Variants in MCPH1 observed in about 807,000 individuals in gnomAD.
MCPH1 encodes the protein microcephalin 1, also known as microcephalin.
In MCPH1, 104 loss-of-function variants were observed where a neutral mutation model predicts 84.5. The ratio of observed to expected loss-of-function variants is 1.23; its 90% CI spans 1.05 to 1.45. The LOEUF (loss-of-function observed/expected upper bound fraction) is 1.45, where lower values mean the gene tolerates loss of function less well. Ranked by LOEUF, MCPH1 falls within the 40% of genes most tolerant of loss-of-function variation. The pLI is 0.00. For missense variants in MCPH1, 1,498 were observed against 1,005.7 expected (o/e 1.49, Z -6.62); for synonymous variants, 514 against 366.8 (o/e 1.40, Z -4.58).
At chr8:6,573,881 G>C (rs1826857352) in intron 12 of MCPH1, among the ~76,000 whole-genome samples, 1 of 152,158 alleles carries the variant, frequency 6.6e-6, no homozygotes, top group Non-Finnish European at 1.5e-5. Context: ...AAGGTGGCCA[G>C]AAAAAACCAC....
In MCPH1 at chr8:6,563,976, C is replaced by T. The variant is rs1054686209; in HGVS notation, c.2215-57478C>T. Among the ~76,000 whole-genome samples the T allele has an allele frequency of 9.7e-4, 83 of 85,414 alleles. 1 individual carries two copies. Among genetic ancestry groups the T allele is most frequent in the African/African-American group, 3.1e-3 (80 of 25,524 alleles). 56.0% of individuals were successfully genotyped at this position (85,414 alleles called of 152,430 possible). A position where few individuals can be genotyped will look rare whatever the true frequency, so the allele number is the denominator to read the frequency against. On this transcript the variant is annotated intron_variant, in intron 12 of 13. Transcript: ENST00000344683. ...GCCTGTGTAGAAAGAGGAATACAAA[C>T]TTTTTTTTTTTTTTTTTTTTTTTGA... is the stretch of plus-strand genomic sequence containing the variant.
chr8:6,641,728 A>C (rs561109552), intron 13 of MCPH1, among the ~76,000 whole-genome samples: 52 of 152,334 alleles, frequency 3.4e-4, no homozygotes, highest in Admixed American at 3.2e-3. Context: ...TGCGTGACTG[A>C]GCAAGACCCT....
At chr8:6,462,286 C>A (rs1432183884) in intron 9 of MCPH1, among the ~76,000 whole-genome samples, 4 of 152,172 alleles carry the variant, frequency 2.6e-5, no homozygotes, top group Non-Finnish European at 5.9e-5. Flanking sequence ...TACATCTTTG[C>A]TAGAATATGA....
chr8:6,462,552 G>A (rs1468934374), intron 9 of MCPH1, among the ~76,000 whole-genome samples: 1 of 152,148 alleles, frequency 6.6e-6, no homozygotes, highest in Non-Finnish European at 1.5e-5. Context: ...TCTTCTTTCA[G>A]TAAAAGATGG....
At chr8:6,576,452 T>C (rs1256459275) in intron 12 of MCPH1, among the ~76,000 whole-genome samples, 3 of 152,012 alleles carry the variant, frequency 2.0e-5, no homozygotes, top group Non-Finnish European at 2.9e-5. Flanking sequence ...CCAGGCCTTA[T>C]TGGAATCCTT....
At chr8:6,642,544 T>C (rs778171391) in intron 13 of MCPH1, 6 of 228,890 alleles carry the variant, frequency 2.6e-5, no homozygotes, top group African/African-American at 9.0e-5. Flanking sequence ...GCTGGGTAGA[T>C]AGGATAGCAC....
chr8:6,527,700 C>A, intron 12 of MCPH1: 1 of 1,571,156 alleles, frequency 6.4e-7, no homozygotes, highest in Non-Finnish European at 8.6e-7. Context: ...AATGAAGTTC[C>A]TATTAATTAT....
At chr8:6,519,354 C>A (rs750804249) in intron 12 of MCPH1, among the ~76,000 whole-genome samples, 16 of 152,152 alleles carry the variant, frequency 1.1e-4, no homozygotes, top group Non-Finnish European at 2.2e-4. Context: ...GCCACCATCC[C>A]CGTGTGAGGC....
intron 12 of MCPH1, among the ~76,000 whole-genome samples, chr8:6,594,555 T>C (rs755205503): frequency 1.3e-5 from 2 of 152,250 alleles, no homozygotes; most frequent in African/African-American, 2.4e-5. Context: ...CATGTGTCCA[T>C]GTTGCTGAGG....
At chr8:6,552,521 G>C (rs968506795) in intron 12 of MCPH1, among the ~76,000 whole-genome samples, 2 of 152,152 alleles carry the variant, frequency 1.3e-5, no homozygotes, top group Non-Finnish European at 2.9e-5. Flanking sequence ...AACCCGATTA[G>C]GGTGACTGGA....
At chr8:6,603,500 C>T (rs890382302) in intron 12 of MCPH1, among the ~76,000 whole-genome samples, 1 of 152,102 alleles carries the variant, frequency 6.6e-6, no homozygotes, top group East Asian at 1.9e-4. Flanking sequence ...GAAAATGATC[C>T]TGTAGAGCGT....
At chr8:6,480,364 C>A (rs553773421) in intron 10 of MCPH1, among the ~76,000 whole-genome samples, 1 of 151,928 alleles carries the variant, frequency 6.6e-6, no homozygotes, top group East Asian at 1.9e-4. Flanking sequence ...GGTGATCCAC[C>A]CGCCTCGGCC....
intron 12 of MCPH1, among the ~76,000 whole-genome samples, chr8:6,602,560 A>G (rs934295275): frequency 6.6e-6 from 1 of 152,118 alleles, no homozygotes; most frequent in Admixed American, 6.5e-5. Context: ...TCCCACTCAG[A>G]GAGCCTTCCC....
chr8:6,470,197 A>G (rs1409538190), intron 9 of MCPH1, among the ~76,000 whole-genome samples: 1 of 152,220 alleles, frequency 6.6e-6, no homozygotes, highest in East Asian at 1.9e-4. Context: ...ATAATAAGAT[A>G]AAGGTTTCAG....
In MCPH1 at chr8:6,444,807, G is replaced by A. The variant is rs1804038187; in HGVS notation, c.1085G>A (p.Gly362Asp). ...SSVKRKRVSH[G>D]SHSPPKEKCK... ...GTAAAGAGAAAAAGAGTATCACATG[G>A]CTCCCATTCACCTCCGAAGGAAAAA... is the stretch of plus-strand genomic sequence containing the variant. Residue 362 changes from glycine (G) to aspartate (D), a missense_variant, in exon 8 of 14, where the codon GGC becomes GAC. Coordinates refer to ENST00000344683, the MANE Select transcript of MCPH1 (RefSeq NM_024596.5). The A allele has an allele frequency of 6.2e-7, 1 of 1,614,094 alleles. No individual in the cohort carries two copies. The highest frequency in any genetic ancestry group is 1.3e-5 in the African/African-American group (1 of 75,038).
chr8:6,467,899 A>G (rs941929746), intron 9 of MCPH1, among the ~76,000 whole-genome samples: 3 of 152,148 alleles, frequency 2.0e-5, no homozygotes, highest in Non-Finnish European at 2.9e-5. Context: ...TGCCTGGCCC[A>G]TGGAGTAATT....
At chr8:6,433,880 C>G (rs571671230) in intron 4 of MCPH1, among the ~76,000 whole-genome samples, 99 of 152,020 alleles carry the variant, frequency 6.5e-4, no homozygotes, top group Non-Finnish European at 1.3e-3. Context: ...CCCCCCTCAC[C>G]CTGTCTGCTG....
At chr8:6,641,314 G>A (rs923586342) in intron 13 of MCPH1, among the ~76,000 whole-genome samples, 1 of 152,180 alleles carries the variant, frequency 6.6e-6, no homozygotes, top group South Asian at 2.1e-4. Flanking sequence ...AAATGTGGCT[G>A]AATGACTTTA....
intron 13 of MCPH1, among the ~76,000 whole-genome samples, chr8:6,628,463 C>G (rs1457014711): frequency 1.9e-5 from 2 of 103,678 alleles, no homozygotes; most frequent in African/African-American, 8.4e-5. Context: ...GAGTAAGACT[C>G]TGTCTCAAAA....
Sources: gnomAD v4.1 joint callset for allele counts (sites outside exome capture counted in the v4.1 genomes callset) on GRCh38, gnomAD v4.1.1 for gene constraint, MANE v1.5 for transcripts, NCBI Gene and HGNC (gene_info 2026-07-23, HGNC 2026-07-21) for gene names.